Variants in SMARCA2 observed in about 807,000 individuals in gnomAD.
SMARCA2 encodes SWI/SNF-related matrix-associated actin-dependent regulator of chromatin subfamily A member 2.
A neutral mutation model predicts 199.8 loss-of-function variants in SMARCA2; 61 were observed. The ratio of observed to expected loss-of-function variants is 0.31; its 90% confidence interval spans 0.25 to 0.38. The LOEUF is 0.38. Among genes scored for constraint, SMARCA2 ranks in the 10% least tolerant of loss-of-function variants. The probability of loss-of-function intolerance (pLI) is 1.00; values close to 1 mark genes in which losing one functional copy is unlikely to be tolerated. For missense variants in SMARCA2, 1,344 were observed against 2,012.2 expected, an observed-to-expected ratio of 0.67 and a Z score of 6.35; for synonymous variants, 935 against 732.0, an observed-to-expected ratio of 1.28 and a Z score of -4.48.
At chr9:2,083,554 T>G (rs1586687118) in intron 16 of SMARCA2, 141 bp downstream of exon 16, 4 of 538,788 alleles carry the variant, frequency 7.4e-6, no homozygotes, top group Non-Finnish European at 1.3e-5. Context: ...TGAGAGTTAA[T>G]CATCCCAAGA....
intron 9 of SMARCA2, among the ~76,000 whole-genome samples, chr9:2,066,534 T>C (rs1820844697): frequency 6.6e-6 from 1 of 152,232 alleles, no homozygotes. Context: ...TTTTTAGTTA[T>C]GAGTAATCTT....
chr9:2,044,477 A>G (rs1462079700), intron 4 of SMARCA2: 4 of 152,232 alleles, frequency 2.6e-5, no homozygotes, highest in Non-Finnish European at 4.4e-5. Flanking sequence ...TTCTTTTGCC[A>G]TGTGGTTTTT....
At chr9:2,124,875 C>T (rs1823619228) in intron 27 of SMARCA2, among the ~76,000 whole-genome samples, 1 of 152,188 alleles carries the variant, frequency 6.6e-6, no homozygotes. Flanking sequence ...AAAGGCACAG[C>T]AACCTGGGAC....
chr9:2,053,496 T>C (rs923164469), intron 5 of SMARCA2, among the ~76,000 whole-genome samples: 6 of 152,196 alleles, frequency 3.9e-5, no homozygotes, highest in African/African-American at 1.4e-4. Flanking sequence ...TATCTCCAGG[T>C]GTCTTCAGTT....
At chr9:2,095,188 C>T (rs1401276552) in intron 19 of SMARCA2, among the ~76,000 whole-genome samples, 1 of 151,692 alleles carries the variant, frequency 6.6e-6, no homozygotes, top group Non-Finnish European at 1.5e-5. Flanking sequence ...CGGGTTCCAG[C>T]GATTCTCCTG....
rs1440233589 is a variant in SMARCA2 at position 2,115,045 on chromosome 9, T to C, written c.3457-777T>C. Among the ~76,000 whole-genome samples the C allele has an allele frequency of 6.6e-6, 1 of 152,014 alleles. No homozygotes were observed. The highest frequency in any genetic ancestry group is 2.4e-5 in the African/African-American group (1 of 41,316). ...ATTCAGTATTGTTGAATGTTTCTTT[T>C]TTTAAAAAAAAAGCCATTAGAGAGA... is the stretch of plus-strand genomic sequence containing the variant. On this transcript the variant is annotated intron_variant, in intron 24 of 33. Coordinates refer to ENST00000349721, the MANE Select transcript of SMARCA2 (RefSeq NM_003070.5). This position sits in a 1 kb window ranked among gnomAD's most constrained non-coding sequence, Gnocchi z 6.0.
intron 28 of SMARCA2, among the ~76,000 whole-genome samples, chr9:2,162,590 C>T (rs553457253): frequency 2.0e-5 from 3 of 152,244 alleles, no homozygotes; most frequent in Non-Finnish European, 2.9e-5. Context: ...AGTTAGGCTA[C>T]GTTTTGGTTA....
In SMARCA2 at chr9:2,047,270, C is replaced by CTGCCGG; in HGVS notation, c.837_842dup (p.Val280_Pro281dup). 9.9e-7 allele frequency: 1 copy of CTGCCGG among 1,006,184 alleles called. No homozygotes were observed. The highest frequency in any genetic ancestry group is 1.2e-6 in the Non-Finnish European group (1 of 844,288). The allele number at this position is 1,006,184 out of a possible 1,614,324, so 62.3% of individuals were successfully genotyped here. A position where few individuals can be genotyped will look rare whatever the true frequency, so the allele number is the denominator to read the frequency against. On this transcript the variant is annotated inframe_insertion, in exon 5 of 34. Transcript: ENST00000349721. ...GAGCGGCCCGAGCACCCCGCAGAAG[C>CTGCCGG]TGCCGGTGCCCGCGCCCGGCGGCCG...
chr9:2,135,170 G>A (rs1824139825), intron 27 of SMARCA2, among the ~76,000 whole-genome samples: 1 of 152,178 alleles, frequency 6.6e-6, no homozygotes, highest in African/African-American at 2.4e-5. Context: ...ACGAAGACCT[G>A]AGAACTAGGA....
intron 28 of SMARCA2, among the ~76,000 whole-genome samples, chr9:2,163,105 T>C (rs917365162): frequency 6.6e-6 from 1 of 152,208 alleles, no homozygotes; most frequent in African/African-American, 2.4e-5. Context: ...AATTAAGTGG[T>C]ATAAAAAGCA....
chr9:2,039,977 T>A lies in SMARCA2; in HGVS notation c.790+77T>A. The A allele has an allele frequency of 6.3e-7, 1 of 1,576,016 alleles. No homozygotes were observed. The highest frequency in any genetic ancestry group is 1.2e-5 in the South Asian group (1 of 86,430). Reference sequence around the variant, plus strand: ...AAAGACTGCTCACCAAAACACCGGGTTGTTAAAAGCCCGGGGCTGACGTAG... The same window carrying A: ...AAAGACTGCTCACCAAAACACCGGGATGTTAAAAGCCCGGGGCTGACGTAG... On this transcript the variant is annotated intron_variant, in intron 4 of 33. Transcript: ENST00000349721. This position sits in a 1 kb window ranked among gnomAD's most constrained non-coding sequence, Gnocchi z 4.8.
Position 2,101,434 on chromosome 9 carries a change from G to A in SMARCA2, c.3079-136G>A, listed in dbSNP as rs10757158. ...ATACTGAATTTCTGGTTCATTACGT[G>A]TGTAAGTTTTTTGCTTATTCATTAA... On this transcript the variant is annotated intron_variant, in intron 21 of 33. Coordinates refer to ENST00000349721, the MANE Select transcript of SMARCA2 (RefSeq NM_003070.5). 0.24 allele frequency: 116,231 copies of A among 491,312 alleles called. 17,824 individuals carry two copies. Among genetic ancestry groups the A allele is most frequent in the African/African-American group, 0.57 (27,968 of 49,310 alleles). The allele number at this position is 491,312 out of a possible 1,614,324, so 30.4% of individuals were successfully genotyped here.
At chr9:2,025,288 G>T (rs1327198495) in intron 1 of SMARCA2, among the ~76,000 whole-genome samples, 2 of 151,056 alleles carry the variant, frequency 1.3e-5, no homozygotes, top group African/African-American at 4.9e-5. Flanking sequence ...GTCCTGGTCT[G>T]GGGGAGGGTG....
intron 31 of SMARCA2, among the ~76,000 whole-genome samples, chr9:2,185,331 C>G (rs1283071262): frequency 6.6e-6 from 1 of 152,190 alleles, no homozygotes. Context: ...TAACAATCCT[C>G]CAGTTACAGG....
chr9:2,106,570 T>C (rs183089840), intron 23 of SMARCA2, among the ~76,000 whole-genome samples: 40 of 152,258 alleles, frequency 2.6e-4, no homozygotes, highest in African/African-American at 8.2e-4. Flanking sequence ...GATAAGTTAG[T>C]ACACACACTT....
At chr9:2,130,143 C>T (rs1051637582) in intron 27 of SMARCA2, among the ~76,000 whole-genome samples, 10 of 152,214 alleles carry the variant, frequency 6.6e-5, no homozygotes, top group African/African-American at 2.2e-4. Flanking sequence ...CATGAGCCAC[C>T]ATGCCCAGCC....
chr9:2,083,526 A>G (rs1355758090), intron 16 of SMARCA2, 113 bp downstream of exon 16: 19 of 632,362 alleles, frequency 3.0e-5, no homozygotes, highest in Non-Finnish European at 4.7e-5. Context: ...TTTGTCATGT[A>G]CATCATGTAC....
In SMARCA2 at chr9:2,156,046, A is replaced by G. The variant is rs7864819; in HGVS notation, c.3982-5640A>G. Among the ~76,000 whole-genome samples the G allele has an allele frequency of 6.5e-3, 984 of 152,296 alleles. 12 individuals carry two copies. Among genetic ancestry groups the G allele is most frequent in the African/African-American group, 0.023 (940 of 41,552 alleles). The stretch of plus-strand genomic sequence containing the variant: ...GACCAACTCATCTCTTGAATATGGG[A>G]AGCATTTGTTAACAAAAGTATAAGG... On this transcript the variant is annotated intron_variant, in intron 27 of 33. Coordinates refer to ENST00000349721, the MANE Select transcript of SMARCA2 (RefSeq NM_003070.5).
Position 2,039,414 on chromosome 9 carries a change from CT to C in SMARCA2, c.356-49del, listed in dbSNP as rs1819478834. The C allele has an allele frequency of 6.4e-7, 1 of 1,565,098 alleles. No individual in the cohort carries two copies. Among genetic ancestry groups the C allele is most frequent in the Non-Finnish European group, 8.7e-7 (1 of 1,151,074 alleles). On this transcript the variant is annotated intron_variant, in intron 3 of 33. Coordinates refer to ENST00000349721, the MANE Select transcript of SMARCA2 (RefSeq NM_003070.5). This position sits in a 1 kb window ranked among gnomAD's most constrained non-coding sequence, Gnocchi z 4.8. ...TATTAGAGTATTCAGGGATATCTCT[CT>C]TTCAGGGTTGTCAGGGGCAGCCTGT...
Sources: gnomAD v4.1 joint callset for allele counts (sites outside exome capture counted in the v4.1 genomes callset) on GRCh38, gnomAD v4.1.1 for gene constraint, Gnocchi (gnomAD v3.1) non-coding constraint, MANE v1.5 for transcripts, NCBI Gene and HGNC (gene_info 2026-07-23, HGNC 2026-07-21) for gene names.